SGCD: variants seen among roughly 807,000 people sequenced by gnomAD.
SGCD encodes sarcoglycan delta.
In SGCD, 18 loss-of-function variants were observed where a neutral mutation model predicts 36.6. The ratio of observed to expected loss-of-function variants is 0.49; its 90% CI spans 0.34 to 0.73. SGCD has a LOEUF of 0.73. SGCD is among the 30% of genes least tolerant of loss of function. SGCD has a pLI of 0.01. For missense variants in SGCD, 387 were observed against 346.7 expected, an observed-to-expected ratio of 1.12 and a Z score of -0.92; for synonymous variants, 133 against 130.6, an observed-to-expected ratio of 1.02 and a Z score of -0.12.
At chr5:155,882,203 C>CA (rs1341230911) in intron 1 of SGCD, among the ~76,000 whole-genome samples, 2 of 151,862 alleles carry the variant, frequency 1.3e-5, no homozygotes, top group African/African-American at 4.8e-5. Context: ...CAACTGGGCC[C>CA]AAGTGATCCT....
At chr5:156,705,062 A>C (rs1410386607) in intron 7 of SGCD, among the ~76,000 whole-genome samples, 1 of 152,168 alleles carries the variant, frequency 6.6e-6, no homozygotes, top group Non-Finnish European at 1.5e-5. Flanking sequence ...GAAGGTCTGT[A>C]ATTTACAACA....
the SGCD span, among the ~76,000 whole-genome samples, chr5:155,732,214 C>T: frequency 6.6e-6 from 1 of 152,176 alleles, no homozygotes; most frequent in Non-Finnish European, 1.5e-5. Flanking sequence ...GAAAGCTATG[C>T]CACAGGCACT....
chr5:156,035,894 C>A (rs1442213274), intron 1 of SGCD, among the ~76,000 whole-genome samples: 2 of 152,066 alleles, frequency 1.3e-5, no homozygotes, highest in Non-Finnish European at 1.5e-5. Context: ...AATAGTGATA[C>A]CATCACAAGA....
At position 156,498,461 on chromosome 5, in the gene SGCD, A is replaced by C. The variant is rs969142581; in HGVS notation, c.193-10140A>C. Among the ~76,000 whole-genome samples, 4 of 152,070 alleles carry C rather than the reference A, an allele frequency of 2.6e-5. No homozygotes were observed. In the East Asian group the frequency reaches 7.7e-4, roughly 29 times the overall value. ...TCTTCTCCGCCCTAGACAACCACTAATCTACTTTCTGTCTCTATAGATTTT... is the reference window on the plus strand; with the variant it reads ...TCTTCTCCGCCCTAGACAACCACTACTCTACTTTCTGTCTCTATAGATTTT... On this transcript the variant is annotated intron_variant, in intron 3 of 8. Transcript: ENST00000337851.
At chr5:156,055,148 AT>A (rs58381697) in intron 1 of SGCD, among the ~76,000 whole-genome samples, 21,506 of 136,338 alleles carry the variant, frequency 0.16, 5,059 homozygotes, top group African/African-American at 0.45. Context: ...CCAGTTTTCT[AT>A]TTTTTTTTTT....
At chr5:155,767,678 G>T in the SGCD span, among the ~76,000 whole-genome samples, 1 of 152,100 alleles carries the variant, frequency 6.6e-6, no homozygotes, top group Non-Finnish European at 1.5e-5. Context: ...CATACCTGAA[G>T]GCTACTGACA....
At chr5:156,404,600 A>G (rs983195380) in intron 3 of SGCD, among the ~76,000 whole-genome samples, 1 of 152,198 alleles carries the variant, frequency 6.6e-6, no homozygotes, top group Non-Finnish European at 1.5e-5. Flanking sequence ...CATGTCATAC[A>G]GAGCACCTGA....
At chr5:156,420,546 T>A (rs750435081) in intron 3 of SGCD, among the ~76,000 whole-genome samples, 2 of 152,108 alleles carry the variant, frequency 1.3e-5, no homozygotes, top group Non-Finnish European at 2.9e-5. Flanking sequence ...TCTGTATAAT[T>A]TGCATAAAAA....
At chr5:155,891,209 A>T (rs1295220732) in intron 1 of SGCD, among the ~76,000 whole-genome samples, 5 of 152,214 alleles carry the variant, frequency 3.3e-5, no homozygotes, top group Admixed American at 1.3e-4. Flanking sequence ...ACTGCACTGG[A>T]GGCCAAGTGT....
chr5:155,831,363 A>T, the SGCD span, among the ~76,000 whole-genome samples: 1 of 152,194 alleles, frequency 6.6e-6, no homozygotes, highest in Non-Finnish European at 1.5e-5. Flanking sequence ...CACAATATGA[A>T]AGGGGGAGAT....
intron 1 of SGCD, among the ~76,000 whole-genome samples, chr5:155,925,316 G>A (rs1375503359): frequency 2.0e-5 from 3 of 152,120 alleles, no homozygotes; most frequent in African/African-American, 7.2e-5. Flanking sequence ...AGCTGCCATA[G>A]CAAAGTACCA....
intron 1 of SGCD, among the ~76,000 whole-genome samples, chr5:155,914,318 C>G (rs767991298): frequency 4.6e-5 from 7 of 152,120 alleles, no homozygotes; most frequent in Admixed American, 6.6e-5. Flanking sequence ...TAGTGTTACT[C>G]TAATACTCTG....
At chr5:156,202,496 G>GAGATTTCTTGACC (rs936299361) in intron 3 of SGCD, among the ~76,000 whole-genome samples, 2 of 152,110 alleles carry the variant, frequency 1.3e-5, no homozygotes, top group Non-Finnish European at 2.9e-5. Flanking sequence ...TTTTAGCACT[G>GAGATTTCTTGACC]AGATTTCTTG....
At chr5:156,305,726 C>A (rs897789034) in intron 3 of SGCD, among the ~76,000 whole-genome samples, 1 of 152,212 alleles carries the variant, frequency 6.6e-6, no homozygotes, top group Non-Finnish European at 1.5e-5. Context: ...TCAATGCTAG[C>A]CCATGATAGC....
chr5:156,705,389 G>A (rs986111238), intron 7 of SGCD, among the ~76,000 whole-genome samples: 5 of 152,152 alleles, frequency 3.3e-5, no homozygotes, highest in African/African-American at 9.7e-5. Context: ...ATGAGCTAAA[G>A]TGGCACATGC....
At chr5:156,502,306 A>G in intron 3 of SGCD, among the ~76,000 whole-genome samples, 1 of 152,032 alleles carries the variant, frequency 6.6e-6, no homozygotes, top group Non-Finnish European at 1.5e-5. Context: ...TCGGCCTCCC[A>G]AAGTGCTGGG....
chr5:155,731,789 G>A, the SGCD span, among the ~76,000 whole-genome samples: 1 of 152,136 alleles, frequency 6.6e-6, no homozygotes, highest in Non-Finnish European at 1.5e-5. Context: ...ACTCCCCTGG[G>A]AGCCTGTTCC....
chr5:156,498,327 G>A (rs561840611), intron 3 of SGCD, among the ~76,000 whole-genome samples: 33 of 149,486 alleles, frequency 2.2e-4, no homozygotes, highest in Non-Finnish European at 3.7e-4. Context: ...CTCATTTTAA[G>A]TATACAACTG....
intron 3 of SGCD, among the ~76,000 whole-genome samples, chr5:156,291,237 T>C (rs557863905): frequency 1.3e-5 from 2 of 152,166 alleles, no homozygotes; most frequent in Admixed American, 1.3e-4. Flanking sequence ...TCAAAACAGC[T>C]AGAAGAGAGA....
Sources: allele counts gnomAD v4.1 joint callset (sites outside exome capture counted in the v4.1 genomes callset), GRCh38; gene constraint gnomAD v4.1.1; transcripts MANE v1.5; gene names NCBI Gene and HGNC (gene_info 2026-07-23, HGNC 2026-07-21).